PKD1L1: variants seen among roughly 807,000 people sequenced by gnomAD.
PKD1L1 encodes the protein polycystin-1-like protein 1.
PKD1L1 carries 236 observed loss-of-function variants against 323.4 expected under a neutral mutation model. The ratio of observed to expected loss-of-function variants is 0.73; its 90% confidence interval spans 0.66 to 0.81. The LOEUF (loss-of-function observed/expected upper bound fraction) is 0.81. Among genes scored for constraint, PKD1L1 ranks in the 40% least tolerant of loss-of-function variants. The probability of loss-of-function intolerance (pLI) is 0.00; values close to 1 mark genes in which losing one functional copy is unlikely to be tolerated. For synonymous variants in PKD1L1, 1,344 were observed against 1,335.0 expected (o/e 1.01, Z -0.15); for missense variants, 3,320 against 3,508.0 (o/e 0.95, Z 1.35).
intron 47 of PKD1L1, among the ~76,000 whole-genome samples, chr7:47,814,998 G>A (rs1434758280): frequency 6.6e-6 from 1 of 152,120 alleles, no homozygotes. Flanking sequence ...TTTTGCACAC[G>A]GAACTAGAAT....
chr7:47,866,508 T>C lies in PKD1L1; in HGVS notation c.4003A>G (p.Lys1335Glu). 6.2e-7 allele frequency: 1 copy of C among 1,614,062 alleles called. No individual in the cohort carries two copies. Among genetic ancestry groups the C allele is most frequent in the Non-Finnish European group, 8.5e-7 (1 of 1,179,928 alleles). The part of the protein sequence containing the change: ...VITRILSRLS[K>E]EDKTASCNQW... ...TTGCAGGAGGCAGTTTTGTCCTCCT[T>C]AGACAAACGACTCAGGATTCTGGTG... The change falls in exon 25 of 57, where the codon AAG (lysine) becomes GAG (glutamate). Residue 1335 changes from lysine to glutamate, a missense_variant. Physicochemically the swap from Lys to Glu is moderately conservative, Grantham distance 56. Transcript: ENST00000289672.
chr7:47,796,653 G>A (rs1784541143), intron 54 of PKD1L1, among the ~76,000 whole-genome samples: 1 of 152,060 alleles, frequency 6.6e-6, no homozygotes, highest in Non-Finnish European at 1.5e-5. Context: ...AAGCCTACTG[G>A]TAACAAACTC....
At chr7:47,930,669 T>G (rs2708892) in intron 6 of PKD1L1, among the ~76,000 whole-genome samples, 122,768 of 151,934 alleles carry the variant, frequency 0.81, 50,305 homozygotes, top group East Asian at 1. Flanking sequence ...ACAAAAATTA[T>G]CCCAGTGTGA....
At chr7:47,881,844 G>A in intron 20 of PKD1L1, 65 bp downstream of exon 20, 2 of 1,453,648 alleles carry the variant, frequency 1.4e-6, no homozygotes, top group Non-Finnish European at 1.8e-6. Flanking sequence ...AGAAGAAATT[G>A]AGGGCTGATA....
upstream of PKD1L1, among the ~76,000 whole-genome samples, chr7:47,948,981 T>C (rs1026988057): frequency 6.6e-6 from 1 of 151,774 alleles, no homozygotes; most frequent in Non-Finnish European, 1.5e-5. Context: ...AAAACAAAAG[T>C]GTGTTTTAGG....
At chr7:47,919,700 G>A (rs573731242) in intron 7 of PKD1L1, among the ~76,000 whole-genome samples, 85 of 152,284 alleles carry the variant, frequency 5.6e-4, no homozygotes, top group African/African-American at 2.0e-3. Context: ...AGGGATGCAG[G>A]TATGGTTTAA....
chr7:47,890,935 T>TGCA (rs1193279247), intron 15 of PKD1L1, among the ~76,000 whole-genome samples, 172 bp from the exon 16 acceptor site: 3 of 152,112 alleles, frequency 2.0e-5, no homozygotes, highest in African/African-American at 7.2e-5. Flanking sequence ...GTTGCAAAAG[T>TGCA]GCAGCAGCAC....
At chr7:47,918,718 T>C (rs1239205388) in intron 7 of PKD1L1, among the ~76,000 whole-genome samples, 1 of 152,046 alleles carries the variant, frequency 6.6e-6, no homozygotes, top group Non-Finnish European at 1.5e-5. Flanking sequence ...AAAAGGAACA[T>C]TCAAAACCAT....
At position 47,860,216 on chromosome 7, in the gene PKD1L1, C is replaced by T. The variant is rs1050095955; in HGVS notation, c.4150-1331G>A. Among the ~76,000 whole-genome samples, 12 of 152,262 alleles carry T rather than the reference C, an allele frequency of 7.9e-5. No homozygotes were observed. The South Asian group carries it at 8.3e-4, about 11-fold the overall frequency. On this transcript the variant is annotated intron_variant, in intron 26 of 56. Transcript: ENST00000289672. ...CTAACAAAACTACGAGTCTTTACTA[C>T]GTATCTTTTAAAACCAACCTCAAAT...
chr7:47,898,028 C>T lies in PKD1L1; in HGVS notation c.2231G>A (p.Ser744Asn), dbSNP rs766424704. ...GTAGTTCCCATACTCCAAGGTGTGG[C>T]TCGGGAGGATGAGGGTCTGTCTGTG... ...DTHRQTLILP[S>N]HTLEYGNYTA... The change falls in exon 14 of 57, where the codon AGC (serine) becomes AAC (asparagine). Residue 744 changes from serine to asparagine, a missense_variant. Transcript: ENST00000289672. 1.3e-5 allele frequency: 21 copies of T among 1,612,936 alleles called. No homozygotes were observed. The East Asian group carries it at 4.7e-4, about 36-fold the overall frequency.
At chr7:47,777,739 T>C (rs1786601064) in intron 56 of PKD1L1, among the ~76,000 whole-genome samples, 1 of 152,128 alleles carries the variant, frequency 6.6e-6, no homozygotes, top group African/African-American at 2.4e-5. Context: ...GGTTTATTTT[T>C]CACATAAGCA....
At chr7:47,888,431 A>G (rs926858993) in intron 16 of PKD1L1, among the ~76,000 whole-genome samples, 2 of 152,210 alleles carry the variant, frequency 1.3e-5, no homozygotes, top group African/African-American at 2.4e-5. Flanking sequence ...CGAGTCACAC[A>G]GCGGTGAGGG....
At position 47,777,171 on chromosome 7, in the gene PKD1L1, C is replaced by T. The variant is rs10260596; in HGVS notation, c.8527-2005G>A. 6.6e-3 allele frequency among the ~76,000 whole-genome samples: 1,002 copies of T among 152,320 alleles called. 16 individuals carry two copies. The highest frequency in any genetic ancestry group is 0.023 in the African/African-American group (942 of 41,578). ...ACTCCCAAAGTGCTGGGATTACAGG[C>T]GCGAGCCACCACACCCGGCTGACAC... is the stretch of plus-strand genomic sequence containing the variant. On this transcript the variant is annotated intron_variant, in intron 56 of 56. Coordinates refer to ENST00000289672, the MANE Select transcript of PKD1L1 (RefSeq NM_138295.5).
the PKD1L1 span, among the ~76,000 whole-genome samples, chr7:47,959,540 T>G: frequency 6.9e-6 from 1 of 145,984 alleles, no homozygotes; most frequent in Middle Eastern, 3.5e-3. Context: ...GAGGAGCGTC[T>G]CTGCCCAGCC....
At chr7:47,800,900 G>C in intron 53 of PKD1L1, 21 bp from the exon 54 acceptor site, 1 of 1,601,830 alleles carries the variant, frequency 6.2e-7, no homozygotes, top group South Asian at 1.1e-5. Flanking sequence ...AAAATCCAGA[G>C]AGCACTGACC....
intron 46 of PKD1L1, chr7:47,818,115 A>G (rs1358601496): frequency 1.5e-6 from 2 of 1,367,854 alleles, no homozygotes; most frequent in Non-Finnish European, 2.0e-6. Flanking sequence ...GGCCTGCCAG[A>G]GCACCCAGAG....
chr7:47,807,005 C>A (rs992365006), intron 52 of PKD1L1, among the ~76,000 whole-genome samples: 1 of 152,082 alleles, frequency 6.6e-6, no homozygotes, highest in African/African-American at 2.4e-5. Flanking sequence ...GGGACTCTGT[C>A]GGGACACACA....
At chr7:47,775,984 T>A (rs1188648392) in intron 56 of PKD1L1, among the ~76,000 whole-genome samples, 1 of 152,052 alleles carries the variant, frequency 6.6e-6, no homozygotes, top group Non-Finnish European at 1.5e-5. Flanking sequence ...ATATCAGGAA[T>A]GAGAGAGGTG....
At chr7:47,859,392 AC>A (rs763848204) in intron 26 of PKD1L1, among the ~76,000 whole-genome samples, 10 of 151,952 alleles carry the variant, frequency 6.6e-5, no homozygotes, top group Admixed American at 1.3e-4. Flanking sequence ...AGATTCCTCT[AC>A]CTGCAGTACC....
Sources: allele counts gnomAD v4.1 joint callset (sites outside exome capture counted in the v4.1 genomes callset), GRCh38; gene constraint gnomAD v4.1.1; transcripts MANE v1.5; gene names NCBI Gene and HGNC (gene_info 2026-07-23, HGNC 2026-07-21).